The following PRKD1 variants were observed in gnomAD, a reference collection of about 807,000 sequenced individuals.
PRKD1 encodes protein kinase D1, also known as serine/threonine-protein kinase D1.
In PRKD1, 63 loss-of-function variants were observed where a neutral mutation model predicts 95.9. That is an observed-to-expected ratio of 0.66 (90% CI 0.54 to 0.81). PRKD1 has a LOEUF of 0.81. Ranked by LOEUF, PRKD1 falls within the 30% of genes least tolerant of loss-of-function variation. The pLI, the probability that PRKD1 is intolerant of heterozygous loss-of-function variation, is 0.00. For missense variants in PRKD1, 1,048 were observed against 1,165.3 expected, an observed-to-expected ratio of 0.90 and a Z score of 1.47; for synonymous variants, 425 against 423.1, an observed-to-expected ratio of 1.00 and a Z score of -0.05.
At chr14:29,766,181 G>A (rs1484683844) in intron 1 of PRKD1, among the ~76,000 whole-genome samples, 1 of 152,160 alleles carries the variant, frequency 6.6e-6, no homozygotes, top group Non-Finnish European at 1.5e-5. Flanking sequence ...TGAGACTAGT[G>A]AGCCTTGAGA....
At chr14:29,849,236 C>T (rs1892202808) in intron 1 of PRKD1, among the ~76,000 whole-genome samples, 1 of 152,122 alleles carries the variant, frequency 6.6e-6, no homozygotes, top group South Asian at 2.1e-4. Context: ...CTTTCTTTTC[C>T]TCCTGCTCTG....
chr14:29,605,297 A>AC (rs1324560997), intron 13 of PRKD1, among the ~76,000 whole-genome samples: 2 of 152,188 alleles, frequency 1.3e-5, no homozygotes, highest in African/African-American at 2.4e-5. Context: ...TAAGGTGCCT[A>AC]CCCTTAGCAA....
chr14:29,581,907 A>G (rs536491399), intron 16 of PRKD1, among the ~76,000 whole-genome samples: 2 of 152,180 alleles, frequency 1.3e-5, no homozygotes, highest in Non-Finnish European at 2.9e-5. Context: ...AAAACACATT[A>G]CCAACTGCCA....
intron 1 of PRKD1, among the ~76,000 whole-genome samples, chr14:29,923,538 A>G (rs548173962): frequency 2.4e-4 from 36 of 152,278 alleles, no homozygotes; most frequent in Non-Finnish European, 4.9e-4. Flanking sequence ...AAGTGAAACA[A>G]TTACAAGCAA....
chr14:29,663,614 C>A (rs543239650), intron 4 of PRKD1, 85 bp downstream of exon 4: 5 of 1,467,920 alleles, frequency 3.4e-6, no homozygotes, highest in South Asian at 2.4e-5. Context: ...TCCCTCCTAG[C>A]GCCCTGTCTT....
At chr14:29,839,254 C>G (rs920752719) in intron 1 of PRKD1, among the ~76,000 whole-genome samples, 4 of 152,180 alleles carry the variant, frequency 2.6e-5, no homozygotes, top group Non-Finnish European at 5.9e-5. Context: ...CTTTTGCACC[C>G]AGATCAGCTA....
At chr14:29,737,302 C>T (rs903362610) in intron 1 of PRKD1, among the ~76,000 whole-genome samples, 1 of 123,278 alleles carries the variant, frequency 8.1e-6, no homozygotes, top group African/African-American at 3.2e-5. Context: ...GCAGTCCGGC[C>T]TGGGCGACAG....
chr14:29,664,588 G>T (rs1882376324), intron 3 of PRKD1, among the ~76,000 whole-genome samples: 1 of 152,094 alleles, frequency 6.6e-6, no homozygotes, highest in Non-Finnish European at 1.5e-5. Context: ...CCAGATTATT[G>T]TCTGCTAGCT....
rs565928356 is a variant in PRKD1 at position 29,584,703 on chromosome 14, A to G, written c.2435-6343T>C. On this transcript the variant is annotated intron_variant, in intron 16 of 17. Coordinates refer to ENST00000331968, the MANE Select transcript of PRKD1 (RefSeq NM_002742.3). ...AAGTTTCAATACCCATATTGTATGC[A>G]TATGGTTTGTATATTTTGGCTAAAA... Among the ~76,000 whole-genome samples, 12 of 152,300 alleles carry G rather than the reference A, an allele frequency of 7.9e-5. No homozygotes were observed. The South Asian group carries it at 2.5e-3, about 32-fold the overall frequency.
Position 29,626,576 on chromosome 14 carries a change from G to GA in PRKD1, c.1726-21dup, listed in dbSNP as rs550055059. The stretch of plus-strand genomic sequence containing the variant: ...GATGTCCTAGAGGTACAAGCCCAAT[G>GA]AAAAAAAAACATGAAGCAGAACAAA... On this transcript the variant is annotated intron_variant, in intron 11 of 17. Transcript: ENST00000331968. 9,708 of 1,462,288 alleles carry GA rather than the reference G, an allele frequency of 6.6e-3. 19 individuals are homozygous for GA. The highest frequency in any genetic ancestry group is 6.8e-3 in the Non-Finnish European group (7,420 of 1,089,774). The allele number at this position is 1,462,288 out of a possible 1,614,324, so 90.6% of individuals were successfully genotyped here.
rs112509807 is a variant in PRKD1 at position 29,872,666 on chromosome 14, A to G, written c.264+54583T>C. Among the ~76,000 whole-genome samples, 264 of 151,924 alleles carry G rather than the reference A, an allele frequency of 1.7e-3. 1 individual carries two copies. Among genetic ancestry groups the G allele is most frequent in the African/African-American group, 5.9e-3 (244 of 41,468 alleles). On this transcript the variant is annotated intron_variant, in intron 1 of 17. Transcript: ENST00000331968. Reference sequence around the variant, plus strand: ...GTGAGACTTTGTCTCTAAAAAAAAAAAAAAAGAAAAAAAAAATCTCCACAC... The same window carrying G: ...GTGAGACTTTGTCTCTAAAAAAAAAGAAAAAGAAAAAAAAAATCTCCACAC...
intron 2 of PRKD1, among the ~76,000 whole-genome samples, chr14:29,714,204 G>A (rs1468578012): frequency 6.6e-6 from 1 of 152,166 alleles, no homozygotes; most frequent in East Asian, 1.9e-4. Context: ...ACTAAGGTAT[G>A]AGGAATTTGT....
intron 4 of PRKD1, among the ~76,000 whole-genome samples, chr14:29,641,898 C>CT (rs751584936): frequency 0.024 from 2,777 of 116,610 alleles, 89 homozygotes; most frequent in African/African-American, 0.053. Flanking sequence ...AAAAATATTT[C>CT]TTTTTTTTTT....
At chr14:29,841,626 C>T (rs1001839173) in intron 1 of PRKD1, among the ~76,000 whole-genome samples, 4 of 152,174 alleles carry the variant, frequency 2.6e-5, no homozygotes, top group African/African-American at 9.7e-5. Flanking sequence ...TATGAGGCCT[C>T]CCCAGCCATG....
chr14:29,639,780 C>T (rs1013443725), intron 4 of PRKD1, among the ~76,000 whole-genome samples: 13 of 152,042 alleles, frequency 8.6e-5, no homozygotes, highest in African/African-American at 1.7e-4. Context: ...GGAAACAGAA[C>T]GAATATACTA....
At chr14:29,927,163 C>G in intron 1 of PRKD1, 86 bp downstream of exon 1, 1 of 1,302,342 alleles carries the variant, frequency 7.7e-7, no homozygotes, top group Non-Finnish European at 9.8e-7. Context: ...CCCCGGGAGC[C>G]GGAAAGTTGG....
intron 1 of PRKD1, among the ~76,000 whole-genome samples, chr14:29,899,464 T>G (rs982083927): frequency 7.2e-5 from 11 of 152,062 alleles, no homozygotes; most frequent in African/African-American, 2.7e-4. Context: ...CTGGTCAACA[T>G]GGTAAAACCC....
chr14:29,621,676 C>A (rs1328678885), intron 13 of PRKD1, among the ~76,000 whole-genome samples: 1 of 152,138 alleles, frequency 6.6e-6, no homozygotes, highest in African/African-American at 2.4e-5. Context: ...CTGAGCATAG[C>A]TGAGTGATAT....
chr14:29,873,645 C>T (rs1412362364), intron 1 of PRKD1, among the ~76,000 whole-genome samples: 2 of 152,168 alleles, frequency 1.3e-5, no homozygotes, highest in Non-Finnish European at 2.9e-5. Flanking sequence ...TTTAAAGTGT[C>T]TAAATATGTA....
Sources: gnomAD v4.1 joint callset for allele counts (sites outside exome capture counted in the v4.1 genomes callset) on GRCh38, gnomAD v4.1.1 for gene constraint, MANE v1.5 for transcripts, NCBI Gene and HGNC (gene_info 2026-07-23, HGNC 2026-07-21) for gene names.